The following PDE3B variants were observed in gnomAD, a reference collection of about 807,000 sequenced individuals.
PDE3B encodes the protein phosphodiesterase 3B.
A neutral mutation model predicts 116.8 loss-of-function variants in PDE3B; 66 were observed. That is an observed-to-expected ratio of 0.56 (90% CI 0.46 to 0.69). PDE3B has a LOEUF of 0.69. PDE3B is among the 30% of genes least tolerant of loss of function. The pLI, the probability that PDE3B is intolerant of heterozygous loss-of-function variation, is 0.00. For synonymous variants in PDE3B, 595 were observed against 533.6 expected (o/e 1.12, Z -1.59); for missense variants, 1,384 against 1,368.1 (o/e 1.01, Z -0.18).
chr11:14,840,538 CT>C lies in PDE3B; in HGVS notation c.2321-3287del, dbSNP rs375393793. ...ATTTATTCCTAATACACCAATACCTCTTCCTTAATCCATAGTTACGGCTTTG... is the reference window on the plus strand; with the variant it reads ...ATTTATTCCTAATACACCAATACCTCTCCTTAATCCATAGTTACGGCTTTG... On this transcript the variant is annotated intron_variant, in intron 11 of 15. Coordinates refer to ENST00000282096, the MANE Select transcript of PDE3B (RefSeq NM_000922.4). Among the ~76,000 whole-genome samples, 396 of 152,324 alleles carry C rather than the reference CT, an allele frequency of 2.6e-3. 1 individual carries two copies. Among genetic ancestry groups the C allele is most frequent in the African/African-American group, 9.0e-3 (374 of 41,578 alleles).
intron 12 of PDE3B, among the ~76,000 whole-genome samples, chr11:14,850,775 G>C (rs554791951): frequency 1.3e-5 from 2 of 152,054 alleles, no homozygotes; most frequent in Non-Finnish European, 1.5e-5. Context: ...AATAGATACT[G>C]TAATTGCAAT....
In PDE3B at chr11:14,708,774, A is replaced by T. The variant is rs1590078039; in HGVS notation, c.979-63163A>T. Among the ~76,000 whole-genome samples the T allele has an allele frequency of 3.3e-5, 5 of 151,086 alleles. No homozygotes were observed. The South Asian group carries it at 6.4e-4, about 19-fold the overall frequency. On this transcript the variant is annotated intron_variant, in intron 1 of 15. Transcript: ENST00000282096. Reference sequence around the variant, plus strand: ...CTCTAAAAAAGTTCAGGGGTGAATTATATATATATATAGAGAGAGAGAATG... The same window carrying T: ...CTCTAAAAAAGTTCAGGGGTGAATTTTATATATATATAGAGAGAGAGAATG...
chr11:14,689,213 C>T (rs1167486783), intron 1 of PDE3B, among the ~76,000 whole-genome samples: 1 of 152,240 alleles, frequency 6.6e-6, no homozygotes, highest in Admixed American at 6.5e-5. Context: ...TAAAATATAT[C>T]GCTGAGGGTT....
intron 1 of PDE3B, among the ~76,000 whole-genome samples, chr11:14,714,808 T>A (rs565468798): frequency 4.6e-5 from 7 of 152,288 alleles, no homozygotes; most frequent in African/African-American, 1.7e-4. Context: ...AAATTTAAAT[T>A]GTAACATATA....
intron 12 of PDE3B, among the ~76,000 whole-genome samples, chr11:14,846,341 A>G (rs1422368563): frequency 5.3e-5 from 8 of 152,296 alleles, no homozygotes; most frequent in Admixed American, 2.0e-4. Context: ...TGAAGGAAGC[A>G]CTAAACATGG....
At chr11:14,681,840 A>G (rs1049883913) in intron 1 of PDE3B, among the ~76,000 whole-genome samples, 1 of 152,106 alleles carries the variant, frequency 6.6e-6, no homozygotes, top group Admixed American at 6.6e-5. Flanking sequence ...TTGACCCTTG[A>G]ATAATGCAGC....
At chr11:14,791,768 G>T (rs1435299876) in intron 4 of PDE3B, among the ~76,000 whole-genome samples, 1 of 151,968 alleles carries the variant, frequency 6.6e-6, no homozygotes, top group Non-Finnish European at 1.5e-5. Flanking sequence ...TGGGGGATTG[G>T]TTCCAGGCCC....
At position 14,723,687 on chromosome 11, in the gene PDE3B, G is replaced by A. The variant is rs146756139; in HGVS notation, c.979-48250G>A. On this transcript the variant is annotated intron_variant, in intron 1 of 15. Transcript: ENST00000282096. ...GAGGCAGGAGGATCGTTTGGGCCCAGGAGTTTAAGGCTACAAGTGAGCTAT... is the reference window on the plus strand; with the variant it reads ...GAGGCAGGAGGATCGTTTGGGCCCAAGAGTTTAAGGCTACAAGTGAGCTAT... Among the ~76,000 whole-genome samples the A allele has an allele frequency of 2.4e-3, 358 of 152,190 alleles. 1 individual carries two copies. Among genetic ancestry groups the A allele is most frequent in the African/African-American group, 8.1e-3 (337 of 41,520 alleles).
intron 14 of PDE3B, among the ~76,000 whole-genome samples, chr11:14,866,709 T>C (rs1274257182): frequency 1.3e-5 from 2 of 152,208 alleles, no homozygotes; most frequent in Non-Finnish European, 1.5e-5. Context: ...GGGAGTAATT[T>C]ATCCCAAACC....
chr11:14,668,471 T>A (rs935680623), intron 1 of PDE3B, among the ~76,000 whole-genome samples: 5 of 152,160 alleles, frequency 3.3e-5, no homozygotes, highest in African/African-American at 1.2e-4. Flanking sequence ...ATTACTATAT[T>A]TTTTAATGAA....
At position 14,644,642 on chromosome 11, in the gene PDE3B, C is replaced by G. The variant is rs2133736708; in HGVS notation, c.567C>G (p.Pro189=). The change falls in exon 1 of 16, where the codon CCC becomes CCG. Residue 189 remains proline, a synonymous_variant. Coordinates refer to ENST00000282096, the MANE Select transcript of PDE3B (RefSeq NM_000922.4). ...CAGGGTCCGCGGCCCCGCACACGCC[C>G]CCGGAGGCGGCAGCGGGCAGGTTGC... ...GDAGSAAPHT[P]PEAAAGRLLL... is the part of the protein sequence containing the mutation. 3 of 1,505,842 alleles carry G rather than the reference C, an allele frequency of 2.0e-6. No homozygotes were observed. The East Asian group carries it at 7.3e-5, about 37-fold the overall frequency. 93.3% of individuals were successfully genotyped at this position (1,505,842 alleles called of 1,614,324 possible). A position where few individuals can be genotyped will look rare whatever the true frequency, so the allele number is the denominator to read the frequency against.
At chr11:14,814,712 C>T (rs531851941) in intron 5 of PDE3B, among the ~76,000 whole-genome samples, 3 of 152,304 alleles carry the variant, frequency 2.0e-5, no homozygotes, top group African/African-American at 7.2e-5. Flanking sequence ...GTAATCTCAG[C>T]ACTTAGGGAG....
intron 1 of PDE3B, among the ~76,000 whole-genome samples, chr11:14,730,922 G>T (rs1856439233): frequency 6.7e-6 from 1 of 149,748 alleles, no homozygotes; most frequent in African/African-American, 2.4e-5. Flanking sequence ...GAATCATAGA[G>T]AGGTTAAGTA....
chr11:14,885,611 T>A, the PDE3B span, among the ~76,000 whole-genome samples: 4 of 152,202 alleles, frequency 2.6e-5, no homozygotes, highest in African/African-American at 9.6e-5. Flanking sequence ...GTCTAAAATA[T>A]GCGTGTAGTA....
chr11:14,761,105 G>T (rs1857349382), intron 1 of PDE3B, among the ~76,000 whole-genome samples: 1 of 151,940 alleles, frequency 6.6e-6, no homozygotes, highest in Non-Finnish European at 1.5e-5. Context: ...CACTAGACTT[G>T]TGTATTTGCT....
At chr11:14,797,819 G>A (rs1166782246) in intron 4 of PDE3B, among the ~76,000 whole-genome samples, 2 of 152,136 alleles carry the variant, frequency 1.3e-5, no homozygotes, top group Non-Finnish European at 2.9e-5. Context: ...TCAGCTTAAG[G>A]AGATTTGGGG....
intron 5 of PDE3B, among the ~76,000 whole-genome samples, chr11:14,809,281 G>A (rs1259491462): frequency 1.3e-5 from 2 of 152,144 alleles, no homozygotes; most frequent in African/African-American, 4.8e-5. Flanking sequence ...AAAAACTTGT[G>A]CATAAATGTG....
intron 2 of PDE3B, among the ~76,000 whole-genome samples, chr11:14,785,303 G>A (rs1590142931): frequency 1.3e-5 from 2 of 152,028 alleles, no homozygotes; most frequent in South Asian, 2.1e-4. Context: ...GGGGAGAAAG[G>A]CTAGAAATAG....
chr11:14,830,998 G>A (rs1859867767), intron 8 of PDE3B, 152 bp downstream of exon 8: 2 of 397,160 alleles, frequency 5.0e-6, no homozygotes, highest in Non-Finnish European at 8.9e-6. Flanking sequence ...ATATTGCTTG[G>A]GTTACAAATA....
Sources: allele counts gnomAD v4.1 joint callset (sites outside exome capture counted in the v4.1 genomes callset), GRCh38; gene constraint gnomAD v4.1.1; transcripts MANE v1.5; gene names NCBI Gene and HGNC (gene_info 2026-07-23, HGNC 2026-07-21).